Variants in ACAA2 observed in about 807,000 individuals in gnomAD.
ACAA2 encodes the protein acetyl-CoA acyltransferase 2.
In ACAA2, 35 loss-of-function variants were observed where a neutral mutation model predicts 44.8. The observed-to-expected ratio is 0.78, with a 90% CI of 0.60 to 1.04. The LOEUF is 1.04. ACAA2 is among the 50% of genes least tolerant of loss of function. ACAA2 has a pLI of 0.00. For synonymous variants in ACAA2, 142 were observed against 166.5 expected (o/e 0.85, Z 1.13); for missense variants, 468 against 482.6 (o/e 0.97, Z 0.28).
At position 49,802,670 on chromosome 18, in the gene ACAA2, T is replaced by C. The variant is rs1413716310; in HGVS notation, c.183+17A>G. ...AAAGAAGCAATAGGAGTGAACACCTTCCTTTACTCTACTAACCTGCAGGAC... is the reference window on the plus strand; with the variant it reads ...AAAGAAGCAATAGGAGTGAACACCTCCCTTTACTCTACTAACCTGCAGGAC... On this transcript the variant is annotated intron_variant, in intron 2 of 9. Coordinates refer to ENST00000285093, the MANE Select transcript of ACAA2 (RefSeq NM_006111.3). The C allele has an allele frequency of 6.2e-7, 1 of 1,606,904 alleles. No individual in the cohort carries two copies. The highest frequency in any genetic ancestry group is 1.3e-5 in the African/African-American group (1 of 74,572).
Position 49,787,273 on chromosome 18 carries a change from A to AC in ACAA2, c.954+17_954+18insG, listed in dbSNP as rs146566370. 1.9e-3 allele frequency: 2,196 copies of AC among 1,162,364 alleles called. No homozygotes were observed. The highest frequency in any genetic ancestry group is 8.4e-3 in the African/African-American group (485 of 57,744). The allele number at this position is 1,162,364 out of a possible 1,614,324, so 72.0% of individuals were successfully genotyped here. A position where few individuals can be genotyped will look rare whatever the true frequency, so the allele number is the denominator to read the frequency against. ...TATTCATGTTGTTAAAAAAAAAAAAAAAAAAAAAAACACTTACCTCTACCA... is the reference window on the plus strand; with the variant it reads ...TATTCATGTTGTTAAAAAAAAAAAAACAAAAAAAAAACACTTACCTCTACCA... On this transcript the variant is annotated intron_variant, in intron 8 of 9. Transcript: ENST00000285093.
chr18:49,789,103 G>C (rs1286189215), intron 7 of ACAA2, among the ~76,000 whole-genome samples: 1 of 152,176 alleles, frequency 6.6e-6, no homozygotes, highest in Non-Finnish European at 1.5e-5. Flanking sequence ...CCACCCCTGA[G>C]GAGTTCCAGG....
chr18:49,797,265 C>CTTT (rs11392686), intron 3 of ACAA2, among the ~76,000 whole-genome samples: 19 of 143,810 alleles, frequency 1.3e-4, no homozygotes, highest in Non-Finnish European at 1.7e-4. Flanking sequence ...TCATTATTAG[C>CTTT]TTTTTTTTTT....
chr18:49,785,268 T>C lies in ACAA2; in HGVS notation c.1038A>G (p.Gly346=). The C allele has an allele frequency of 6.2e-7, 1 of 1,614,082 alleles. No homozygotes were observed. The change falls in exon 9 of 10, where the codon GGA becomes GGG. Residue 346 remains glycine, a synonymous_variant. Coordinates refer to ENST00000285093, the MANE Select transcript of ACAA2 (RefSeq NM_006111.3). ...LDISKTNVNG[G]AIALGHPLGG... is the part of the protein sequence containing the mutation. ...CCAGTGGGTGACCCAAAGCAATGGC[T>C]CCTCCATTCACATTGGTTTTACTTA... is the stretch of plus-strand genomic sequence containing the variant.
At position 49,799,367 on chromosome 18, in the gene ACAA2, G is replaced by A. The variant is rs539991425; in HGVS notation, c.184-1773C>T. The stretch of plus-strand genomic sequence containing the variant: ...GTGCCTGCGATTGCAGGCACGCGCC[G>A]CCACGCCTGACTGGTTTTCGTATTT... On this transcript the variant is annotated intron_variant, in intron 2 of 9. Transcript: ENST00000285093. 1.2e-3 allele frequency among the ~76,000 whole-genome samples: 180 copies of A among 150,724 alleles called. 1 individual carries two copies. Among genetic ancestry groups the A allele is most frequent in the African/African-American group, 3.2e-3 (132 of 41,136 alleles).
At chr18:49,805,811 G>A (rs568047033) in intron 1 of ACAA2, among the ~76,000 whole-genome samples, 6 of 149,872 alleles carry the variant, frequency 4.0e-5, no homozygotes, top group South Asian at 4.2e-4. Flanking sequence ...GGCTGGTCTC[G>A]AACTCCTGGG....
Position 49,797,499 on chromosome 18 carries a change from A to G in ACAA2, c.279T>C (p.Gly93=), listed in dbSNP as rs373596275. 5.6e-6 allele frequency: 9 copies of G among 1,611,164 alleles called. No homozygotes were observed. The African/African-American group carries it at 1.1e-4, about 19-fold the overall frequency. ...TPALTINRLC[G]SGFQSIVNGC... is the part of the protein sequence containing the mutation. ...CATTCACAATGGACTGAAAACCAGA[A>G]CCACAGAGCCTATTAATCGTGAGAG... Residue 93 remains glycine (G), a synonymous_variant, in exon 3 of 10, where the codon GGT becomes GGC. Transcript: ENST00000285093.
intron 8 of ACAA2, among the ~76,000 whole-genome samples, chr18:49,786,908 T>A (rs2023336899): frequency 6.6e-6 from 1 of 152,174 alleles, no homozygotes; most frequent in South Asian, 2.1e-4. Flanking sequence ...AAGAAACTTG[T>A]AGATTTGGCA....
chr18:49,790,793 T>G (rs627697), intron 7 of ACAA2, among the ~76,000 whole-genome samples: 91,130 of 151,976 alleles, frequency 0.6, 27,435 homozygotes, highest in Middle Eastern at 0.76. Context: ...ATTTTTTCCA[T>G]CTAGCATTTT....
intron 1 of ACAA2, among the ~76,000 whole-genome samples, chr18:49,810,582 A>C (rs1175432098): frequency 6.6e-6 from 1 of 152,188 alleles, no homozygotes; most frequent in East Asian, 1.9e-4. Flanking sequence ...TTCTTATTTG[A>C]TGCTCCCAGA....
chr18:49,782,288 G>A lies in ACAA2; in HGVS notation c.*1559C>T, dbSNP rs1444028429. The A allele has an allele frequency of 2.0e-5, 3 of 152,152 alleles. No homozygotes were observed. The highest frequency in any genetic ancestry group is 7.2e-5 in the African/African-American group (3 of 41,428). The allele number at this position is 152,152 out of a possible 1,614,324, so 9.4% of individuals were successfully genotyped here. ...ATCCCAAACAATAAAAGCTGGACTT[G>A]CCTGTTGCCACTAGTCCATTATCCC... On this transcript the variant is annotated 3_prime_UTR_variant, in exon 10 of 10. Transcript: ENST00000285093.
Position 49,805,478 on chromosome 18 carries a change from G to A in ACAA2, c.17-2625C>T, listed in dbSNP as rs151248990. 4.7e-4 allele frequency among the ~76,000 whole-genome samples: 72 copies of A among 152,238 alleles called. 1 individual carries two copies. The East Asian group carries it at 7.9e-3, about 17-fold the overall frequency. The stretch of plus-strand genomic sequence containing the variant: ...ACAAACGTTTTGTTCTGGTAAATTG[G>A]TTATTCTGTACCATGATGCCTTCCT... On this transcript the variant is annotated intron_variant, in intron 1 of 9. Transcript: ENST00000285093.
chr18:49,807,915 A>C (rs1365423874), intron 1 of ACAA2, among the ~76,000 whole-genome samples: 1 of 152,066 alleles, frequency 6.6e-6, no homozygotes, highest in Non-Finnish European at 1.5e-5. Flanking sequence ...GAAAATATTT[A>C]TAAAAACACC....
intron 1 of ACAA2, chr18:49,811,547 T>G (rs756409978): frequency 6.6e-6 from 1 of 152,366 alleles, no homozygotes; most frequent in African/African-American, 2.4e-5. Context: ...GACAAATTAA[T>G]GTTAATCCTT....
chr18:49,788,769 C>A (rs1210293338), intron 7 of ACAA2, among the ~76,000 whole-genome samples: 4 of 152,172 alleles, frequency 2.6e-5, no homozygotes, highest in Non-Finnish European at 4.4e-5. Context: ...TCAGAATCCA[C>A]CGTAACAATA....
chr18:49,805,636 CCTGCAGCCTCGACCT>C (rs902334830), intron 1 of ACAA2, among the ~76,000 whole-genome samples: 27 of 152,018 alleles, frequency 1.8e-4, no homozygotes, highest in African/African-American at 5.8e-4. Context: ...ATCACAGCTC[CCTGCAGCCTCGACCT>C]CTGCAGCCTC....
At position 49,797,517 on chromosome 18, in the gene ACAA2, C is replaced by T. The variant is rs139131167; in HGVS notation, c.261G>A (p.Thr87=). 78 of 1,612,100 alleles carry T rather than the reference C, an allele frequency of 4.8e-5. No individual in the cohort carries two copies. The highest frequency in any genetic ancestry group is 3.2e-4 in the Admixed American group (19 of 59,984). Residue 87 remains threonine (T), a synonymous_variant, in exon 3 of 10, where the codon ACG becomes ACA. Coordinates refer to ENST00000285093, the MANE Select transcript of ACAA2 (RefSeq NM_006111.3). ...VGIPKETPAL[T]INRLCGSGFQ... ...AACCAGAACCACAGAGCCTATTAAT[C>T]GTGAGAGCTGGGGTCTCCTTTGGGA... is the stretch of plus-strand genomic sequence containing the variant.
At chr18:49,808,201 C>A (rs1157826377) in intron 1 of ACAA2, among the ~76,000 whole-genome samples, 1 of 152,164 alleles carries the variant, frequency 6.6e-6, no homozygotes, top group Non-Finnish European at 1.5e-5. Context: ...ACACTGACAA[C>A]ACCAAACACT....
At chr18:49,791,620 A>C (rs1598793213) in intron 6 of ACAA2, 21 bp from the exon 7 acceptor site, 1 of 1,610,778 alleles carries the variant, frequency 6.2e-7, no homozygotes. Context: ...AAAATACTAG[A>C]TTAACTAAAG....
Sources: gnomAD v4.1 joint callset for allele counts (sites outside exome capture counted in the v4.1 genomes callset) on GRCh38, gnomAD v4.1.1 for gene constraint, MANE v1.5 for transcripts, NCBI Gene and HGNC (gene_info 2026-07-23, HGNC 2026-07-21) for gene names.